The following BFSP1 variants were observed in gnomAD, a reference collection of about 807,000 sequenced individuals.
The protein encoded by BFSP1 is filensin.
A neutral mutation model predicts 43.9 loss-of-function variants in BFSP1; 38 were observed. The ratio of observed to expected loss-of-function variants is 0.87; its 90% CI spans 0.67 to 1.14. The LOEUF is 1.14. Ranked by LOEUF, BFSP1 falls within the 50% of genes most tolerant of loss-of-function variation. The probability of loss-of-function intolerance (pLI) is 0.00; values close to 1 mark genes in which losing one functional copy is unlikely to be tolerated. For missense variants in BFSP1, 850 were observed against 875.1 expected, an observed-to-expected ratio of 0.97 and a Z score of 0.36; for synonymous variants, 352 against 354.8, an observed-to-expected ratio of 0.99 and a Z score of 0.09.
intron 1 of BFSP1, among the ~76,000 whole-genome samples, chr20:17,553,804 C>CT (rs2034935781): frequency 1.4e-5 from 1 of 73,216 alleles, no homozygotes; most frequent in African/African-American, 6.4e-5. Context: ...TACACACACA[C>CT]ACACACACAC....
chr20:17,523,388 G>A (rs2034355902), intron 2 of BFSP1, among the ~76,000 whole-genome samples: 1 of 152,024 alleles, frequency 6.6e-6, no homozygotes, highest in African/African-American at 2.4e-5. Flanking sequence ...CGGAGGGCCT[G>A]AGGGGTGCTG....
intron 5 of BFSP1, among the ~76,000 whole-genome samples, chr20:17,506,178 C>G (rs2033932621): frequency 6.6e-6 from 1 of 152,132 alleles, no homozygotes; most frequent in South Asian, 2.1e-4. Context: ...GGCCAGCAGC[C>G]GGCAAAGAAA....
In BFSP1 at chr20:17,531,118, T is replaced by C; in HGVS notation, c.212A>G (p.Gln71Arg). The C allele has an allele frequency of 1.5e-6, 2 of 1,337,994 alleles. No homozygotes were observed. Among genetic ancestry groups the C allele is most frequent in the South Asian group, 3.8e-5 (2 of 52,494 alleles). The allele number at this position is 1,337,994 out of a possible 1,614,324, so 82.9% of individuals were successfully genotyped here. A position where few individuals can be genotyped will look rare whatever the true frequency, so the allele number is the denominator to read the frequency against. Reference sequence around the variant, plus strand: ...GCCCAGGCGCTGGAAGGCATCCAGCTGCCTCCGGAGCCCGGCATGGCGCTG... The same window carrying C: ...GCCCAGGCGCTGGAAGGCATCCAGCCGCCTCCGGAGCCCGGCATGGCGCTG... ...LEQRHAGLRR[Q>R]LDAFQRLGEL... is the part of the protein sequence containing the mutation. Residue 71 changes from glutamine (Q) to arginine (R), a missense_variant, in exon 1 of 8, where the codon CAG (glutamine) becomes CGG (arginine). Transcript: ENST00000377873.
chr20:17,556,772 G>A (rs920213078), intron 1 of BFSP1, among the ~76,000 whole-genome samples: 2 of 151,818 alleles, frequency 1.3e-5, no homozygotes, highest in South Asian at 2.1e-4. Flanking sequence ...TTTTTAAAAC[G>A]ACCTCTTTAT....
intron 1 of BFSP1, among the ~76,000 whole-genome samples, chr20:17,547,616 A>G (rs2034824681): frequency 6.6e-6 from 1 of 152,262 alleles, no homozygotes; most frequent in Non-Finnish European, 1.5e-5. Context: ...ATGTTTGTAA[A>G]AAGAAATTGG....
chr20:17,553,820 C>CATATATATAT (rs2034938407), intron 1 of BFSP1, among the ~76,000 whole-genome samples: 1 of 95,994 alleles, frequency 1.0e-5, no homozygotes, highest in African/African-American at 5.8e-5. Flanking sequence ...CACACACACA[C>CATATATATAT]ACACATATAT....
At chr20:17,545,281 G>C (rs1231374898) in intron 1 of BFSP1, among the ~76,000 whole-genome samples, 1 of 152,220 alleles carries the variant, frequency 6.6e-6, no homozygotes, top group Non-Finnish European at 1.5e-5. Flanking sequence ...AAGCACAGGA[G>C]AGGTAGGGTA....
chr20:17,530,455 A>G (rs1269312484), intron 1 of BFSP1, among the ~76,000 whole-genome samples: 1 of 152,262 alleles, frequency 6.6e-6, no homozygotes, highest in Non-Finnish European at 1.5e-5. Flanking sequence ...AAAAGAAGCC[A>G]GACAATAGAG....
chr20:17,568,651 T>C (rs966675052), intron 1 of BFSP1, among the ~76,000 whole-genome samples: 3 of 152,160 alleles, frequency 2.0e-5, no homozygotes, highest in African/African-American at 4.8e-5. Context: ...ACCACTGCTC[T>C]AGCCCGCCAA....
chr20:17,500,459 C>G (rs926622103), intron 5 of BFSP1, among the ~76,000 whole-genome samples: 1 of 152,154 alleles, frequency 6.6e-6, no homozygotes, highest in African/African-American at 2.4e-5. Context: ...GGCCGTGGAG[C>G]CATACGTTCA....
chr20:17,503,392 A>T (rs923254788), intron 5 of BFSP1, among the ~76,000 whole-genome samples: 2 of 152,156 alleles, frequency 1.3e-5, no homozygotes, highest in African/African-American at 4.8e-5. Flanking sequence ...ATTACATATG[A>T]AGAGAATGTA....
chr20:17,549,434 A>G (rs1471628994), intron 1 of BFSP1, among the ~76,000 whole-genome samples: 3 of 152,196 alleles, frequency 2.0e-5, no homozygotes, highest in Non-Finnish European at 4.4e-5. Flanking sequence ...CACGTTTTAC[A>G]TCACCAGAGC....
chr20:17,533,028 G>A (rs561169712), upstream of BFSP1, among the ~76,000 whole-genome samples: 5 of 152,208 alleles, frequency 3.3e-5, no homozygotes, highest in South Asian at 1.0e-3. Context: ...CTGGTGGCAT[G>A]GTTATTGTTC....
At chr20:17,501,597 C>CA (rs11476559) in intron 5 of BFSP1, among the ~76,000 whole-genome samples, 6,075 of 70,178 alleles carry the variant, frequency 0.087, 243 homozygotes, top group Middle Eastern at 0.2. Context: ...GAGACTCTGT[C>CA]AAAAAAAAAA....
chr20:17,519,018 C>T (rs933949443), intron 2 of BFSP1, among the ~76,000 whole-genome samples: 2 of 152,164 alleles, frequency 1.3e-5, no homozygotes, highest in African/African-American at 2.4e-5. Flanking sequence ...AGAGGCTTGG[C>T]TAAATCTGGG....
chr20:17,546,797 A>G (rs963225777), intron 1 of BFSP1, among the ~76,000 whole-genome samples: 1 of 152,094 alleles, frequency 6.6e-6, no homozygotes, highest in African/African-American at 2.4e-5. Context: ...AGGCCGAGGT[A>G]GGTGGATCTC....
chr20:17,520,210 G>GCCCC (rs138070825), intron 2 of BFSP1, among the ~76,000 whole-genome samples: 10 of 133,348 alleles, frequency 7.5e-5, no homozygotes, highest in South Asian at 2.5e-4. Context: ...GTTTTAACGT[G>GCCCC]CCCCCCCACC....
intron 1 of BFSP1, among the ~76,000 whole-genome samples, chr20:17,537,453 C>T (rs185690430): frequency 5.3e-5 from 8 of 151,656 alleles, no homozygotes; most frequent in Non-Finnish European, 1.0e-4. Flanking sequence ...ACTGCACACA[C>T]GCAGTTGACT....
chr20:17,497,601 T>C (rs1398887680), intron 6 of BFSP1, among the ~76,000 whole-genome samples: 2 of 122,300 alleles, frequency 1.6e-5, no homozygotes, highest in African/African-American at 6.1e-5. Flanking sequence ...TACGTGTATA[T>C]ATATACGTAT....
Sources: gnomAD v4.1 joint callset for allele counts (sites outside exome capture counted in the v4.1 genomes callset) on GRCh38, gnomAD v4.1.1 for gene constraint, MANE v1.5 for transcripts, NCBI Gene and HGNC (gene_info 2026-07-23, HGNC 2026-07-21) for gene names.